The following NPAS3 variants were observed in gnomAD, a reference collection of about 807,000 sequenced individuals.
The protein encoded by NPAS3 is neuronal PAS domain protein 3.
Under a neutral mutation model 73.1 loss-of-function variants are expected in NPAS3, and 14 were observed. That is an observed-to-expected ratio of 0.19 (90% CI 0.13 to 0.30). The LOEUF (loss-of-function observed/expected upper bound fraction) is 0.30. Ranked by LOEUF, NPAS3 falls within the 10% of genes least tolerant of loss-of-function variation. NPAS3 has a pLI of 1.00. For missense variants in NPAS3, 1,096 were observed against 1,250.0 expected, an observed-to-expected ratio of 0.88 and a Z score of 1.86; for synonymous variants, 620 against 541.5, an observed-to-expected ratio of 1.14 and a Z score of -2.01.
At chr14:33,173,020 T>C (rs2045456236) in intron 2 of NPAS3, among the ~76,000 whole-genome samples, 1 of 152,206 alleles carries the variant, frequency 6.6e-6, no homozygotes, top group South Asian at 2.1e-4. Context: ...TGTTTCAGAA[T>C]TGCTTGTTTT....
intron 7 of NPAS3, among the ~76,000 whole-genome samples, chr14:33,743,012 C>T (rs1595536339): frequency 6.6e-6 from 1 of 152,318 alleles, no homozygotes; most frequent in East Asian, 1.9e-4. Flanking sequence ...TTCATATATG[C>T]AGTTCTTCCC....
chr14:33,588,185 A>C (rs2056934508), intron 5 of NPAS3, among the ~76,000 whole-genome samples: 1 of 152,220 alleles, frequency 6.6e-6, no homozygotes, highest in Admixed American at 6.5e-5. Flanking sequence ...CACTTTGCAA[A>C]TTAGAAGTGG....
chr14:32,999,788 C>G (rs2038737650), intron 1 of NPAS3, among the ~76,000 whole-genome samples: 1 of 151,696 alleles, frequency 6.6e-6, no homozygotes, highest in East Asian at 1.9e-4. Context: ...GTTTTTTTCC[C>G]CCTTAAGATT....
chr14:33,013,940 AACATGGAAATGTC>A (rs1344447113), intron 1 of NPAS3, among the ~76,000 whole-genome samples: 2 of 152,168 alleles, frequency 1.3e-5, no homozygotes, highest in African/African-American at 2.4e-5. Flanking sequence ...TGTCAGTAAC[AACATGGAAATGTC>A]ACAATAAAAT....
intron 4 of NPAS3, among the ~76,000 whole-genome samples, chr14:33,532,301 CT>C (rs1428962289): frequency 6.6e-6 from 1 of 151,992 alleles, no homozygotes; most frequent in Non-Finnish European, 1.5e-5. Context: ...TCAGTTTTTC[CT>C]TTCTTTGGTC....
At chr14:33,107,383 G>A (rs10132543) in intron 2 of NPAS3, among the ~76,000 whole-genome samples, 7,214 of 151,564 alleles carry the variant, frequency 0.048, 321 homozygotes, top group African/African-American at 0.12. Flanking sequence ...CTCAACAGGC[G>A]GTTTTTCAAC....
intron 6 of NPAS3, among the ~76,000 whole-genome samples, chr14:33,695,760 C>CAA (rs1161609034): frequency 6.6e-6 from 1 of 152,026 alleles, no homozygotes; most frequent in Non-Finnish European, 1.5e-5. Flanking sequence ...GTGACAAAGA[C>CAA]AAAAGAAAGA....
At chr14:33,629,782 A>G (rs977421221) in intron 5 of NPAS3, among the ~76,000 whole-genome samples, 3 of 151,340 alleles carry the variant, frequency 2.0e-5, no homozygotes, top group Non-Finnish European at 4.4e-5. Context: ...TTTTTATTCT[A>G]GCACTAGACC....
chr14:33,154,638 AT>A (rs2044582059), intron 2 of NPAS3, among the ~76,000 whole-genome samples: 1 of 152,224 alleles, frequency 6.6e-6, no homozygotes, highest in African/African-American at 2.4e-5. Context: ...TGTAGAGATA[AT>A]AAATACTGGG....
chr14:33,253,846 T>C (rs546907520), intron 3 of NPAS3, among the ~76,000 whole-genome samples: 1 of 152,194 alleles, frequency 6.6e-6, no homozygotes, highest in African/African-American at 2.4e-5. Context: ...TGTTCAACTC[T>C]ATTGTGCATT....
Position 33,523,464 on chromosome 14 carries a change from A to AAAG in NPAS3, c.469-36655_469-36654insGAA, listed in dbSNP as rs1424582691. Among the ~76,000 whole-genome samples, 168 of 149,642 alleles carry AAAG rather than the reference A, an allele frequency of 1.1e-3. 1 individual carries two copies. The highest frequency in any genetic ancestry group is 7.2e-3 in the Admixed American group (108 of 14,996). ...GAGACTCTGTCTCAAAAAAAAAAAAAAAAAAAAAAGATCCTGGGCCAGGCA... is the reference window on the plus strand; with the variant it reads ...GAGACTCTGTCTCAAAAAAAAAAAAAAAGAAAAAAAAAGATCCTGGGCCAGGCA... On this transcript the variant is annotated intron_variant, in intron 4 of 11. Coordinates refer to ENST00000356141, the Ensembl canonical transcript of NPAS3.
chr14:33,571,098 T>G (rs531135129), intron 5 of NPAS3, among the ~76,000 whole-genome samples: 164 of 152,312 alleles, frequency 1.1e-3, no homozygotes, highest in Non-Finnish European at 2.2e-3. Context: ...GTTGGTGGTG[T>G]TTCCTATTGT....
chr14:33,575,984 C>G (rs770929095), intron 5 of NPAS3, among the ~76,000 whole-genome samples: 1 of 152,072 alleles, frequency 6.6e-6, no homozygotes, highest in Non-Finnish European at 1.5e-5. Context: ...CCTCCCACCC[C>G]CCTTGTAGGC....
Position 33,800,781 on chromosome 14 carries a change from C to A in NPAS3, c.2474C>A (p.Thr825Asn). The A allele has an allele frequency of 6.3e-7, 1 of 1,581,760 alleles. No individual in the cohort carries two copies. The highest frequency in any genetic ancestry group is 8.6e-7 in the Non-Finnish European group (1 of 1,165,314). ...AGCACGGCCGCGCAGAGGGTCTACA[C>A]CACGGGCACCATCCGCTACGCGCCC... The change falls in exon 12 of 12, where the codon ACC becomes AAC. Residue 825 changes from threonine (T) to asparagine (N), a missense_variant. This residue lies in a region of NPAS3 where 698 missense variants were observed against 676.7 expected (regional missense o/e 1.03). Transcript: ENST00000356141. The surrounding 1 kb of genome is among the most constrained non-coding windows in gnomAD (Gnocchi z 6.5).
At chr14:33,599,479 C>A (rs551356606) in intron 5 of NPAS3, among the ~76,000 whole-genome samples, 1 of 152,066 alleles carries the variant, frequency 6.6e-6, no homozygotes, top group Non-Finnish European at 1.5e-5. Flanking sequence ...GTTAAGGTCC[C>A]CTGTGCACCA....
At chr14:33,220,799 T>C (rs539501582) in intron 3 of NPAS3, among the ~76,000 whole-genome samples, 1 of 152,248 alleles carries the variant, frequency 6.6e-6, no homozygotes, top group African/African-American at 2.4e-5. Context: ...TGCATGCCAC[T>C]GTTCAAGAGT....
chr14:33,346,697 T>C (rs2044752485), intron 3 of NPAS3, among the ~76,000 whole-genome samples: 1 of 152,112 alleles, frequency 6.6e-6, no homozygotes, highest in Non-Finnish European at 1.5e-5. Context: ...AGAGCTTGAG[T>C]TCCTAGGTGA....
chr14:33,290,264 T>C lies in NPAS3; in HGVS notation c.385+74838T>C, dbSNP rs75520543. 1.2e-4 allele frequency among the ~76,000 whole-genome samples: 18 copies of C among 152,286 alleles called. No homozygotes were observed. The East Asian group carries it at 3.5e-3, about 29-fold the overall frequency. On this transcript the variant is annotated intron_variant, in intron 3 of 11. Transcript: ENST00000356141. ...CTCTAGAAAATAGACACTAGAGATA[T>C]GAGCATGCTTTTCATTCCAGGATTG... is the stretch of plus-strand genomic sequence containing the variant.
At chr14:33,242,760 A>G (rs1268983924) in intron 3 of NPAS3, among the ~76,000 whole-genome samples, 1 of 152,138 alleles carries the variant, frequency 6.6e-6, no homozygotes, top group Non-Finnish European at 1.5e-5. Flanking sequence ...CCCAAATGCA[A>G]TAGCTTCTTC....
Sources: gnomAD v4.1 joint callset for allele counts (sites outside exome capture counted in the v4.1 genomes callset) on GRCh38, gnomAD v4.1.1 for gene constraint, gnomAD v4.1.1 regional missense constraint, Gnocchi (gnomAD v3.1) non-coding constraint, MANE v1.5 for transcripts, NCBI Gene and HGNC (gene_info 2026-07-23, HGNC 2026-07-21) for gene names.